The following CYP19A1 variants were observed in gnomAD, a reference collection of about 807,000 sequenced individuals.
CYP19A1 encodes the protein cytochrome P450 family 19 subfamily A member 1.
In CYP19A1, 32 loss-of-function variants were observed where a neutral mutation model predicts 44.4. The observed-to-expected ratio is 0.72, with a 90% CI of 0.54 to 0.97. The LOEUF (loss-of-function observed/expected upper bound fraction) is 0.97. CYP19A1 is among the 50% of genes least tolerant of loss of function. The pLI is 0.00. For missense variants in CYP19A1, 598 were observed against 637.8 expected (o/e 0.94, Z 0.67); for synonymous variants, 212 against 215.6 (o/e 0.98, Z 0.14).
intron 3 of CYP19A1, among the ~76,000 whole-genome samples, chr15:51,231,097 G>A (rs2032994447): frequency 6.6e-6 from 1 of 152,146 alleles, no homozygotes. Flanking sequence ...CCTAACCAGT[G>A]ATCAAATTTA....
chr15:51,255,946 G>C (rs962636419), intron 1 of CYP19A1, among the ~76,000 whole-genome samples: 4 of 152,214 alleles, frequency 2.6e-5, no homozygotes, highest in Non-Finnish European at 4.4e-5. Flanking sequence ...CCCCAGAAGT[G>C]ACAAAGTTGC....
intron 1 of CYP19A1, among the ~76,000 whole-genome samples, chr15:51,284,493 A>C (rs775076763): frequency 2.6e-5 from 4 of 152,174 alleles, no homozygotes; most frequent in Admixed American, 6.5e-5. Flanking sequence ...TATTCCTGTC[A>C]ATTTATGGGG....
intron 1 of CYP19A1, among the ~76,000 whole-genome samples, chr15:51,320,548 G>C (rs1412437474): frequency 6.6e-6 from 1 of 152,216 alleles, no homozygotes; most frequent in Non-Finnish European, 1.5e-5. Flanking sequence ...TAAAGACACT[G>C]GCAATTTCTG....
At chr15:51,323,169 G>T (rs1187986795) in intron 1 of CYP19A1, among the ~76,000 whole-genome samples, 1 of 152,130 alleles carries the variant, frequency 6.6e-6, no homozygotes, top group Non-Finnish European at 1.5e-5. Context: ...CTACCACTAT[G>T]TTATCACCAC....
In CYP19A1 at chr15:51,311,816, T is replaced by A. The variant is rs564270137; in HGVS notation, c.-39+26679A>T. Among the ~76,000 whole-genome samples the A allele has an allele frequency of 3.9e-5, 6 of 152,258 alleles. No individual in the cohort carries two copies. In the East Asian group the frequency reaches 1.2e-3, roughly 29 times the overall value. Reference sequence around the variant, plus strand: ...GGATTTTAACCCTGGCTCACTGACATGTGTGAGGGCTGGAGAAAACCAGTC... The same window carrying A: ...GGATTTTAACCCTGGCTCACTGACAAGTGTGAGGGCTGGAGAAAACCAGTC... On this transcript the variant is annotated intron_variant, in intron 1 of 9. Transcript: ENST00000396402.
intron 1 of CYP19A1, among the ~76,000 whole-genome samples, chr15:51,323,190 C>T (rs1001144347): frequency 2.6e-5 from 4 of 152,198 alleles, no homozygotes; most frequent in African/African-American, 9.7e-5. Flanking sequence ...CCTGAGAGTC[C>T]AGGCCCTTGG....
chr15:51,258,463 T>C (rs2034593542), intron 1 of CYP19A1, among the ~76,000 whole-genome samples: 4 of 152,262 alleles, frequency 2.6e-5, no homozygotes, highest in Admixed American at 2.6e-4. Context: ...TTAATTTTAA[T>C]GCATGAGACT....
intron 1 of CYP19A1, among the ~76,000 whole-genome samples, chr15:51,246,983 C>T (rs2034086867): frequency 6.6e-6 from 1 of 152,198 alleles, no homozygotes; most frequent in South Asian, 2.1e-4. Context: ...AAACCTGTCT[C>T]TGAGAGCTGA....
chr15:51,241,403 T>A (rs2033756388), intron 2 of CYP19A1, among the ~76,000 whole-genome samples: 2 of 152,224 alleles, frequency 1.3e-5, no homozygotes, highest in South Asian at 4.1e-4. Flanking sequence ...ACTTAAAAGC[T>A]TGAGAACCTG....
At chr15:51,218,399 C>T in intron 6 of CYP19A1, 142 bp downstream of exon 6, 1 of 1,285,290 alleles carries the variant, frequency 7.8e-7, no homozygotes, top group Non-Finnish European at 1.0e-6. Flanking sequence ...AAAAGTGTTT[C>T]ATCAGCAACT....
chr15:51,224,039 A>G (rs1276808718), intron 4 of CYP19A1, among the ~76,000 whole-genome samples: 16 of 152,234 alleles, frequency 1.1e-4, no homozygotes, highest in Admixed American at 9.8e-4. Flanking sequence ...AATATGCTAA[A>G]AAGTATTGAC....
intron 1 of CYP19A1, among the ~76,000 whole-genome samples, chr15:51,275,283 C>A (rs572233398): frequency 5.9e-5 from 9 of 152,360 alleles, no homozygotes; most frequent in African/African-American, 2.2e-4. Flanking sequence ...TAGCCAATGG[C>A]AGCCTTGAAA....
intron 8 of CYP19A1, among the ~76,000 whole-genome samples, chr15:51,214,780 G>A (rs1203986442): frequency 2.0e-5 from 3 of 152,224 alleles, no homozygotes; most frequent in Non-Finnish European, 4.4e-5. Context: ...GGGGAGATGA[G>A]GCTGGAGAGG....
At chr15:51,330,754 A>C (rs751313813) in intron 1 of CYP19A1, among the ~76,000 whole-genome samples, 1 of 152,226 alleles carries the variant, frequency 6.6e-6, no homozygotes, top group Non-Finnish European at 1.5e-5. Context: ...GAGGAAAACC[A>C]AGAGAAAGTA....
chr15:51,280,017 T>G (rs1382802708), intron 1 of CYP19A1: 1 of 152,196 alleles, frequency 6.6e-6, no homozygotes, highest in Non-Finnish European at 1.5e-5. Flanking sequence ...GTTGAACTGT[T>G]ACTCCATCCT....
At chr15:51,243,660 G>A (rs2033914585) in intron 1 of CYP19A1, among the ~76,000 whole-genome samples, 1 of 152,220 alleles carries the variant, frequency 6.6e-6, no homozygotes. Context: ...TAAGGGAGAA[G>A]AGAATGAAAG....
chr15:51,306,399 T>G (rs1409255269), intron 1 of CYP19A1, among the ~76,000 whole-genome samples: 1 of 152,240 alleles, frequency 6.6e-6, no homozygotes, highest in Non-Finnish European at 1.5e-5. Context: ...TTTTTGTTTT[T>G]TTGTTTTTTG....
At chr15:51,250,201 T>C (rs1389346905) in intron 1 of CYP19A1, among the ~76,000 whole-genome samples, 1 of 152,222 alleles carries the variant, frequency 6.6e-6, no homozygotes, top group Non-Finnish European at 1.5e-5. Flanking sequence ...GAAAGGTACC[T>C]GCTGCTAAAA....
chr15:51,214,570 C>T (rs1424250835), intron 8 of CYP19A1, among the ~76,000 whole-genome samples: 1 of 152,186 alleles, frequency 6.6e-6, no homozygotes, highest in Non-Finnish European at 1.5e-5. Flanking sequence ...AAATGATAGA[C>T]TATCACTTCC....
Sources: gnomAD v4.1 joint callset for allele counts (sites outside exome capture counted in the v4.1 genomes callset) on GRCh38, gnomAD v4.1.1 for gene constraint, MANE v1.5 for transcripts, NCBI Gene and HGNC (gene_info 2026-07-23, HGNC 2026-07-21) for gene names.